Variants in EPC2 observed in about 807,000 individuals in gnomAD.
The protein encoded by EPC2 is enhancer of polycomb homolog 2.
Under a neutral mutation model 92.1 loss-of-function variants are expected in EPC2, and 14 were observed. That is an observed-to-expected ratio of 0.15 (90% CI 0.10 to 0.24). The LOEUF is 0.24. Ranked by LOEUF, EPC2 falls within the 10% of genes least tolerant of loss-of-function variation. EPC2 has a pLI of 1.00. For missense variants in EPC2, 755 were observed against 971.5 expected (o/e 0.78, Z 2.96); for synonymous variants, 340 against 334.7 (o/e 1.02, Z -0.17).
intron 2 of EPC2, among the ~76,000 whole-genome samples, chr2:148,723,805 A>G (rs1682431204): frequency 6.6e-6 from 1 of 152,100 alleles, no homozygotes; most frequent in East Asian, 1.9e-4. Context: ...TGATATACTT[A>G]AATTTCTTCT....
intron 8 of EPC2, 88 bp downstream of exon 8, chr2:148,769,328 T>A: frequency 1.1e-6 from 1 of 891,952 alleles, no homozygotes; most frequent in Non-Finnish European, 1.8e-6. Context: ...GATCTAAAAA[T>A]GGGAAATGCA....
In EPC2 at chr2:148,784,854, A is replaced by G; in HGVS notation, c.2204A>G (p.Asn735Ser). ...SCLTNAVHLN[N>S]VSVVSPVNVH... is the part of the protein sequence containing the mutation. ...CTGACAAATGCAGTGCACCTCAATA[A>G]TGTCAGTGTTGTTTCTCCAGTCAAT... The change falls in exon 13 of 14, where the codon AAT becomes AGT. Residue 735 changes from asparagine to serine, a missense_variant. Physicochemically the swap from Asn to Ser is conservative, Grantham distance 46. This residue lies in a region of EPC2 where 207 missense variants were observed against 260.5 expected (regional missense o/e 0.79). Transcript: ENST00000258484. 6.2e-7 allele frequency: 1 copy of G among 1,613,694 alleles called. No homozygotes were observed. Among genetic ancestry groups the G allele is most frequent in the Non-Finnish European group, 8.5e-7 (1 of 1,179,714 alleles).
At chr2:148,766,661 G>A (rs1040381197) in intron 7 of EPC2, among the ~76,000 whole-genome samples, 17 of 152,156 alleles carry the variant, frequency 1.1e-4, no homozygotes, top group African/African-American at 3.6e-4. Flanking sequence ...TAGCAGTTTC[G>A]CATTGCTGGA....
At position 148,785,106 on chromosome 2, in the gene EPC2, G is replaced by A. The variant is rs1443284832; in HGVS notation, c.2351+105G>A. ...CTCAAGCAATAGGTGTTTATTGACA[G>A]ACTTGATTTTCAATAGATACTGAAG... is the stretch of plus-strand genomic sequence containing the variant. On this transcript the variant is annotated intron_variant, in intron 13 of 13. Transcript: ENST00000258484. The A allele has an allele frequency of 3.2e-6, 3 of 931,974 alleles. No homozygotes were observed. The Admixed American group carries it at 1.0e-4, about 33-fold the overall frequency. 57.7% of individuals were successfully genotyped at this position (931,974 alleles called of 1,614,324 possible). A position where few individuals can be genotyped will look rare whatever the true frequency, so the allele number is the denominator to read the frequency against.
At chr2:148,656,025 G>C (rs1201124436) in intron 1 of EPC2, among the ~76,000 whole-genome samples, 2 of 103,144 alleles carry the variant, frequency 1.9e-5, no homozygotes, top group South Asian at 5.9e-4. Flanking sequence ...GTGTGTGTGT[G>C]GGGGGGGGGG....
chr2:148,671,731 G>A lies in EPC2; in HGVS notation c.154-18483G>A, dbSNP rs77039389. On this transcript the variant is annotated intron_variant, in intron 1 of 13. Transcript: ENST00000258484. The stretch of plus-strand genomic sequence containing the variant: ...CCATTTACCTGGTAAACTTTTGTCC[G>A]TCCCTTTATTTTTACCCTTTCTTAA... 5.2e-3 allele frequency among the ~76,000 whole-genome samples: 787 copies of A among 152,082 alleles called. 10 individuals carry two copies. Among genetic ancestry groups the A allele is most frequent in the African/African-American group, 0.018 (746 of 41,470 alleles).
At chr2:148,736,792 A>G (rs1480874698) in intron 2 of EPC2, among the ~76,000 whole-genome samples, 1 of 152,046 alleles carries the variant, frequency 6.6e-6, no homozygotes, top group Non-Finnish European at 1.5e-5. Context: ...TTCACCAACA[A>G]TATAATTTTA....
chr2:148,662,161 G>C (rs1181796515), intron 1 of EPC2, among the ~76,000 whole-genome samples: 1 of 152,118 alleles, frequency 6.6e-6, no homozygotes, highest in Non-Finnish European at 1.5e-5. Context: ...AAAAAGTCAG[G>C]AAACAACAGG....
rs535912584 is a variant in EPC2, at chr2:148,769,970, C to G, written c.1230+730C>G. On this transcript the variant is annotated intron_variant, in intron 8 of 13. Transcript: ENST00000258484. ...AGGGAAAATTCTTAACGAAAGGGGA[C>G]AGACAGCATGATAAAATGATGAAGG... is the stretch of plus-strand genomic sequence containing the variant. Among the ~76,000 whole-genome samples, 26 of 152,174 alleles carry G rather than the reference C, an allele frequency of 1.7e-4. 1 individual carries two copies. The South Asian group carries it at 5.2e-3, about 30-fold the overall frequency.
At chr2:148,671,287 ATTTTTTT>A (rs60048357) in intron 1 of EPC2, among the ~76,000 whole-genome samples, 5 of 127,092 alleles carry the variant, frequency 3.9e-5, no homozygotes, top group Non-Finnish European at 5.0e-5. Context: ...GTGGATTGTG[ATTTTTTT>A]TTTTTTTTTT....
At position 148,741,779 on chromosome 2, in the gene EPC2, T is replaced by C. The variant is rs1682884129; in HGVS notation, c.314-1843T>C. ...CCTTTATAGTTTAATAACTTATACATGTACATGCTTAAAATGTCAAACAAT... is the reference window on the plus strand; with the variant it reads ...CCTTTATAGTTTAATAACTTATACACGTACATGCTTAAAATGTCAAACAAT... On this transcript the variant is annotated intron_variant, in intron 2 of 13. Transcript: ENST00000258484. 2.0e-5 allele frequency among the ~76,000 whole-genome samples: 3 copies of C among 152,230 alleles called. No individual in the cohort carries two copies. In the South Asian group the frequency reaches 6.2e-4, roughly 31 times the overall value.
chr2:148,649,305 C>T (rs1482187964), intron 1 of EPC2, among the ~76,000 whole-genome samples: 5 of 152,108 alleles, frequency 3.3e-5, no homozygotes, highest in Non-Finnish European at 7.4e-5. Context: ...TAGAACATTT[C>T]CAACATTGGA....
intron 2 of EPC2, among the ~76,000 whole-genome samples, chr2:148,736,160 T>G (rs2105401256): frequency 6.6e-6 from 1 of 152,266 alleles, no homozygotes; most frequent in South Asian, 2.1e-4. Flanking sequence ...CAATGAAAAA[T>G]TATATACTTC....
At chr2:148,732,322 T>C (rs547081706) in intron 2 of EPC2, among the ~76,000 whole-genome samples, 1 of 152,138 alleles carries the variant, frequency 6.6e-6, no homozygotes, top group Non-Finnish European at 1.5e-5. Context: ...AACAGTGCTT[T>C]ATTGCAGTCT....
intron 3 of EPC2, among the ~76,000 whole-genome samples, chr2:148,753,163 C>T (rs1386491683): frequency 6.6e-6 from 1 of 152,108 alleles, no homozygotes; most frequent in African/African-American, 2.4e-5. Context: ...ATGTTTACAG[C>T]CTTAATTTGA....
chr2:148,746,881 C>T (rs985932114), intron 3 of EPC2, among the ~76,000 whole-genome samples: 12 of 151,796 alleles, frequency 7.9e-5, no homozygotes, highest in African/African-American at 2.9e-4. Context: ...AATACAAAAG[C>T]TAACAATACA....
intron 2 of EPC2, among the ~76,000 whole-genome samples, chr2:148,742,627 A>T (rs891742419): frequency 6.6e-6 from 1 of 151,958 alleles, no homozygotes; most frequent in Non-Finnish European, 1.5e-5. Context: ...CAAAAAATGC[A>T]ATATTAGCTG....
chr2:148,784,794 G>C lies in EPC2; in HGVS notation c.2144G>C (p.Ser715Thr), dbSNP rs1203511595. The change falls in exon 13 of 14, where the codon AGC becomes ACC. Residue 715 changes from serine (S) to threonine (T), a missense_variant. Coordinates refer to ENST00000258484, the MANE Select transcript of EPC2 (RefSeq NM_015630.4). ...TNHLIPALCTSSPQTLPMNNS... is the reference protein window; with the variant it reads ...TNHLIPALCTTSPQTLPMNNS... ...CACTTAATCCCAGCATTGTGCACAA[G>C]CAGTCCTCAGACACTTCCCATGAAC... The C allele has an allele frequency of 1.2e-6, 2 of 1,613,886 alleles. No individual in the cohort carries two copies. Among genetic ancestry groups the C allele is most frequent in the Admixed American group, 3.3e-5 (2 of 59,996 alleles).
chr2:148,676,367 A>G (rs1681260900), intron 1 of EPC2, among the ~76,000 whole-genome samples: 1 of 152,074 alleles, frequency 6.6e-6, no homozygotes, highest in Non-Finnish European at 1.5e-5. Flanking sequence ...CAAAGTACCT[A>G]TAAGAAGTGA....
Sources: gnomAD v4.1 joint callset for allele counts (sites outside exome capture counted in the v4.1 genomes callset) on GRCh38, gnomAD v4.1.1 for gene constraint, gnomAD v4.1.1 regional missense constraint, MANE v1.5 for transcripts, NCBI Gene and HGNC (gene_info 2026-07-23, HGNC 2026-07-21) for gene names.